CFAP299: variants seen among roughly 807,000 people sequenced by gnomAD.
CFAP299 encodes the protein cilia- and flagella-associated protein 299.
Under a neutral mutation model 27.0 loss-of-function variants are expected in CFAP299, and 21 were observed. The ratio of observed to expected loss-of-function variants is 0.78; its 90% CI spans 0.55 to 1.12. The LOEUF is 1.12. Among genes scored for constraint, CFAP299 ranks in the 50% most tolerant of loss-of-function variants. The pLI, the probability that CFAP299 is intolerant of heterozygous loss-of-function variation, is 0.00. For missense variants in CFAP299, 310 were observed against 276.6 expected (o/e 1.12, Z -0.86); for synonymous variants, 104 against 98.1 (o/e 1.06, Z -0.36).
intron 2 of CFAP299, among the ~76,000 whole-genome samples, chr4:80,399,564 C>T (rs1726019444): frequency 6.6e-6 from 1 of 151,882 alleles, no homozygotes; most frequent in African/African-American, 2.4e-5. Flanking sequence ...AGCTGGAAAC[C>T]ATCATTCTCA....
At chr4:80,814,784 C>T (rs182904384) in intron 3 of CFAP299, among the ~76,000 whole-genome samples, 191 of 150,810 alleles carry the variant, frequency 1.3e-3, no homozygotes, top group African/African-American at 4.5e-3. Context: ...AATAAAAGCA[C>T]AGTAAAGCCT....
chr4:80,427,181 T>C (rs1727568507), intron 2 of CFAP299, among the ~76,000 whole-genome samples: 2 of 152,184 alleles, frequency 1.3e-5, no homozygotes, highest in South Asian at 4.1e-4. Context: ...AAAAGTTGTA[T>C]AGTAAGGAAC....
intron 3 of CFAP299, among the ~76,000 whole-genome samples, chr4:80,866,093 A>ATATATATATATATATATC (rs1249405090): frequency 8.6e-5 from 11 of 127,270 alleles, no homozygotes; most frequent in Non-Finnish European, 1.6e-4. Flanking sequence ...ATATATATAT[A>ATATATATATATATATATC]TATCTTCCCA....
chr4:80,386,567 C>T, intron 2 of CFAP299: 3 of 1,597,052 alleles, frequency 1.9e-6, no homozygotes, highest in East Asian at 2.2e-5. Context: ...GGGGCCGAGA[C>T]GACAGCGGTG....
chr4:80,606,261 G>A (rs758697641), intron 3 of CFAP299, among the ~76,000 whole-genome samples: 1 of 152,182 alleles, frequency 6.6e-6, no homozygotes, highest in Non-Finnish European at 1.5e-5. Context: ...GCTAGGCTGG[G>A]CGTGGTGGCT....
intron 4 of CFAP299, among the ~76,000 whole-genome samples, chr4:80,931,954 G>C (rs747505276): frequency 1.4e-4 from 22 of 152,112 alleles, no homozygotes; most frequent in Non-Finnish European, 3.2e-4. Context: ...TTTATTCCTT[G>C]CCTTCCCTCT....
intron 2 of CFAP299, among the ~76,000 whole-genome samples, chr4:80,536,999 G>T (rs1183029766): frequency 6.6e-6 from 1 of 152,030 alleles, no homozygotes; most frequent in Non-Finnish European, 1.5e-5. Flanking sequence ...CACTTCAGTT[G>T]CAAGGAAAGG....
intron 3 of CFAP299, among the ~76,000 whole-genome samples, chr4:80,655,665 G>A (rs1740517885): frequency 6.6e-6 from 1 of 152,098 alleles, no homozygotes; most frequent in Non-Finnish European, 1.5e-5. Context: ...ACAGTGAGTA[G>A]ACACTTCAAC....
At chr4:80,499,595 A>G (rs774860988) in intron 2 of CFAP299, among the ~76,000 whole-genome samples, 1 of 152,014 alleles carries the variant, frequency 6.6e-6, no homozygotes, top group East Asian at 1.9e-4. Context: ...AACAGGATCT[A>G]CTTAGATTTT....
intron 2 of CFAP299, among the ~76,000 whole-genome samples, chr4:80,389,456 G>T (rs1032986293): frequency 1.3e-5 from 2 of 152,188 alleles, no homozygotes; most frequent in Non-Finnish European, 2.9e-5. Context: ...GCAATTTGCA[G>T]CTGTGGAACA....
chr4:80,694,490 A>G (rs1415751263), intron 3 of CFAP299, among the ~76,000 whole-genome samples: 2 of 152,232 alleles, frequency 1.3e-5, no homozygotes, highest in Non-Finnish European at 2.9e-5. Context: ...TTCAAAGAAG[A>G]TGACTTAACA....
intron 2 of CFAP299, chr4:80,387,011 AT>A (rs1725046971): frequency 8.3e-7 from 1 of 1,211,086 alleles, no homozygotes; most frequent in Non-Finnish European, 1.2e-6. Flanking sequence ...GGGTTGGCAG[AT>A]GACGCTGCAG....
rs1730905603 is a variant in CFAP299, at chr4:80,842,294, A to G, written c.334-27699A>G. Among the ~76,000 whole-genome samples the G allele has an allele frequency of 2.0e-5, 3 of 152,104 alleles. No individual in the cohort carries two copies. In the South Asian group the frequency reaches 6.2e-4, roughly 31 times the overall value. ...TAGCACAGACATTGGGTCATGGTTG[A>G]GACCTCTTTCTTTTTTCATGTCCCT... On this transcript the variant is annotated intron_variant, in intron 3 of 5. Transcript: ENST00000358105.
chr4:80,730,248 C>CTCTCTGTGTGTGTG (rs1553953972), intron 3 of CFAP299, among the ~76,000 whole-genome samples: 1 of 130,802 alleles, frequency 7.6e-6, no homozygotes, highest in African/African-American at 3.1e-5. Flanking sequence ...CTCTCTCTCT[C>CTCTCTGTGTGTGTG]TGTGTGTGTG....
intron 3 of CFAP299, among the ~76,000 whole-genome samples, chr4:80,868,901 C>CTG (rs1054808191): frequency 7.4e-6 from 1 of 134,966 alleles, no homozygotes; most frequent in African/African-American, 3.2e-5. Flanking sequence ...GGGGGCTTCT[C>CTG]TCTCTGTGTG....
intron 2 of CFAP299, among the ~76,000 whole-genome samples, chr4:80,368,919 G>A (rs1197990945): frequency 1.3e-5 from 2 of 150,064 alleles, no homozygotes; most frequent in Non-Finnish European, 3.0e-5. Context: ...GAAGCAGACA[G>A]TGAGAATTAG....
upstream of CFAP299, among the ~76,000 whole-genome samples, chr4:80,331,100 G>A (rs560662738): frequency 6.6e-6 from 1 of 152,258 alleles, no homozygotes; most frequent in East Asian, 1.9e-4. Context: ...TCTATAATAG[G>A]GAGCTAATAG....
At chr4:80,387,786 T>C in intron 2 of CFAP299, 1 of 1,586,154 alleles carries the variant, frequency 6.3e-7, no homozygotes, top group South Asian at 1.1e-5. Flanking sequence ...TGTCACAGTA[T>C]GGGCACTTGA....
chr4:80,824,782 A>G (rs1729893703), intron 3 of CFAP299, among the ~76,000 whole-genome samples: 1 of 152,150 alleles, frequency 6.6e-6, no homozygotes, highest in Admixed American at 6.6e-5. Context: ...AAACAAAAAC[A>G]AAACCCCTGG....
Sources: gnomAD v4.1 joint callset for allele counts (sites outside exome capture counted in the v4.1 genomes callset) on GRCh38, gnomAD v4.1.1 for gene constraint, MANE v1.5 for transcripts, NCBI Gene and HGNC (gene_info 2026-07-23, HGNC 2026-07-21) for gene names.